Variants in FAAH2 observed in about 807,000 individuals in gnomAD.
FAAH2 encodes the protein fatty acid amide hydrolase 2.
A neutral mutation model predicts 36.9 loss-of-function variants in FAAH2; 60 were observed. That is an observed-to-expected ratio of 1.63 (90% CI 1.32 to 2.02). FAAH2 has a LOEUF of 2.02. Ranked by LOEUF, FAAH2 falls within the 30% of genes most tolerant of loss-of-function variation. FAAH2 has a pLI of 0.00. For missense variants in FAAH2, 689 were observed against 397.5 expected (o/e 1.73, Z -6.23); for synonymous variants, 214 against 143.8 (o/e 1.49, Z -3.49).
intron 3 of FAAH2, among the ~76,000 whole-genome samples, chrX:57,323,885 T>A (rs1334974757): frequency 9.0e-6 from 1 of 111,089 alleles, no homozygotes; most frequent in Non-Finnish European, 1.9e-5. Context: ...CTGCCATTGC[T>A]TTTCATGTTT....
At position 57,448,573 on chromosome X, in the gene FAAH2, A is replaced by G. The variant is rs77607994; in HGVS notation, c.1278A>G (p.Gln426=). Residue 426 remains glutamine (Q), a synonymous_variant, in exon 10 of 11, where the codon CAA becomes CAG. Coordinates refer to ENST00000374900, the MANE Select transcript of FAAH2 (RefSeq NM_174912.4). Reference sequence around the variant, plus strand: ...TCAGATATAGCAATGAGAAATACCAAAAGTTTAAGGCAGTGGAAGAAAGCC... The same window carrying G: ...TCAGATATAGCAATGAGAAATACCAGAAGTTTAAGGCAGTGGAAGAAAGCC... ...EKLRYSNEKY[Q]KFKAVEESLR... 3 of 1,209,726 alleles carry G rather than the reference A, an allele frequency of 2.5e-6. No individual in the cohort carries two copies. The highest frequency in any genetic ancestry group is 3.0e-5 in the East Asian group (1 of 33,692).
At chrX:57,391,831 G>T (rs1246516284) in intron 7 of FAAH2, among the ~76,000 whole-genome samples, 1 of 109,535 alleles carries the variant, frequency 9.1e-6, no homozygotes, top group Non-Finnish European at 1.9e-5. Context: ...ATGTATTCTA[G>T]GATTTTTTTT....
the FAAH2 span, chrX:57,137,643 T>C: frequency 9.0e-6 from 1 of 111,658 alleles, no homozygotes; most frequent in Non-Finnish European, 1.9e-5. Flanking sequence ...CTTTCCACAA[T>C]TCACAACAGT....
chrX:57,223,678 G>C, the FAAH2 span, among the ~76,000 whole-genome samples: 6 of 111,576 alleles, frequency 5.4e-5, no homozygotes, highest in African/African-American at 2.0e-4. Flanking sequence ...GCCAATAAAC[G>C]GCTCCACTAT....
the FAAH2 span, among the ~76,000 whole-genome samples, chrX:57,148,978 A>T: frequency 9.0e-6 from 1 of 111,661 alleles, no homozygotes; most frequent in Non-Finnish European, 1.9e-5. Context: ...AGAGGTGTTG[A>T]ATTTTGTCAA....
rs2056688604 is a variant in FAAH2 at position 57,447,017 on chromosome X, A to C, written c.1206A>C (p.Ser402=). ...WELIKWCLGL[S]VYTIPSIGLA... ...TGATCAAATGGTGCCTGGGTCTGTCAGTGTACACCATCCCTTCCATTGGTA... is the reference window on the plus strand; with the variant it reads ...TGATCAAATGGTGCCTGGGTCTGTCCGTGTACACCATCCCTTCCATTGGTA... The change falls in exon 9 of 11, where the codon TCA becomes TCC. Residue 402 remains serine (S), a synonymous_variant. Transcript: ENST00000374900. The C allele has an allele frequency of 8.3e-7, 1 of 1,199,126 alleles. No homozygotes were observed. The highest frequency in any genetic ancestry group is 1.8e-5 in the South Asian group (1 of 55,665).
At chrX:57,331,405 G>T (rs942880338) in intron 3 of FAAH2, among the ~76,000 whole-genome samples, 193 bp from the exon 4 acceptor site, 12 of 110,317 alleles carry the variant, frequency 1.1e-4, no homozygotes, top group Non-Finnish European at 1.9e-4. Flanking sequence ...CCCAGCATCT[G>T]TGTCTTCCCT....
chrX:57,123,645 T>C, the FAAH2 span, among the ~76,000 whole-genome samples: 5 of 112,170 alleles, frequency 4.5e-5, no homozygotes, highest in African/African-American at 6.5e-5. Flanking sequence ...CCTATTTCTC[T>C]ACATCCTCTC....
chrX:57,396,739 C>T (rs1019423777), intron 7 of FAAH2, among the ~76,000 whole-genome samples: 1 of 111,463 alleles, frequency 9.0e-6, no homozygotes. Flanking sequence ...TTGAGCCTTG[C>T]TATATGGCCA....
intron 7 of FAAH2, among the ~76,000 whole-genome samples, chrX:57,384,832 C>A (rs887657195): frequency 9.0e-6 from 1 of 111,119 alleles, no homozygotes; most frequent in Non-Finnish European, 1.9e-5. Context: ...TGGGTATATA[C>A]CCATAAAGAC....
At chrX:57,304,817 T>A (rs2052473771) in intron 2 of FAAH2, among the ~76,000 whole-genome samples, 1 of 111,768 alleles carries the variant, frequency 8.9e-6, no homozygotes. Flanking sequence ...ATGAAGCAGT[T>A]GTTATGTACC....
the FAAH2 span, among the ~76,000 whole-genome samples, chrX:57,158,087 GA>G: frequency 1.8e-5 from 2 of 111,230 alleles, no homozygotes; most frequent in African/African-American, 6.6e-5. Context: ...CAATGAGTGA[GA>G]ACATGCGGTC....
chrX:57,428,211 A>T, intron 7 of FAAH2, among the ~76,000 whole-genome samples: 1 of 112,215 alleles, frequency 8.9e-6, no homozygotes, highest in Non-Finnish European at 1.9e-5. Context: ...ACCTACAAGG[A>T]AAACTATCAA....
intron 5 of FAAH2, among the ~76,000 whole-genome samples, chrX:57,370,183 G>A (rs2054515386): frequency 1.8e-5 from 2 of 111,572 alleles, no homozygotes; most frequent in South Asian, 7.5e-4. Context: ...TAACAAAATG[G>A]CCGAAGCTAG....
At chrX:57,125,943 G>C in the FAAH2 span, among the ~76,000 whole-genome samples, 1 of 111,892 alleles carries the variant, frequency 8.9e-6, no homozygotes, top group Non-Finnish European at 1.9e-5. Flanking sequence ...GCAGTATATT[G>C]TATATGTTGG....
intron 2 of FAAH2, among the ~76,000 whole-genome samples, chrX:57,302,752 C>A (rs2052412443): frequency 9.0e-6 from 1 of 111,039 alleles, no homozygotes; most frequent in Admixed American, 9.6e-5. Context: ...TTTTTAAAAA[C>A]CCTCTCAGAC....
chrX:57,241,208 G>T, the FAAH2 span, among the ~76,000 whole-genome samples: 2 of 112,134 alleles, frequency 1.8e-5, no homozygotes, highest in South Asian at 3.7e-4. Context: ...AATCAAGATG[G>T]ATTAAAGATG....
chrX:57,336,293 A>G (rs767402536), intron 4 of FAAH2, among the ~76,000 whole-genome samples: 1 of 108,817 alleles, frequency 9.2e-6, no homozygotes, highest in Non-Finnish European at 1.9e-5. Context: ...TTTGACTGTA[A>G]TTTTCCTTTA....
chrX:57,466,261 T>G (rs2057049099), intron 10 of FAAH2, among the ~76,000 whole-genome samples: 2 of 105,417 alleles, frequency 1.9e-5, no homozygotes, highest in Admixed American at 2.1e-4. Context: ...AAACTTTTTG[T>G]ATTTTACTGT....
Sources: gnomAD v4.1 joint callset for allele counts (sites outside exome capture counted in the v4.1 genomes callset) on GRCh38, gnomAD v4.1.1 for gene constraint, MANE v1.5 for transcripts, NCBI Gene and HGNC (gene_info 2026-07-23, HGNC 2026-07-21) for gene names.